PKP2: variants seen among roughly 807,000 people sequenced by gnomAD.
The protein encoded by PKP2 is plakophilin 2, also known as plakophilin-2.
Under a neutral mutation model 83.4 loss-of-function variants are expected in PKP2, and 73 were observed. That is an observed-to-expected ratio of 0.88 (90% CI 0.72 to 1.06). The LOEUF (loss-of-function observed/expected upper bound fraction) is 1.06. PKP2 is among the 50% of genes least tolerant of loss of function. PKP2 has a pLI of 0.00. For synonymous variants in PKP2, 409 were observed against 430.4 expected (o/e 0.95, Z 0.62); for missense variants, 966 against 1,065.4 (o/e 0.91, Z 1.30).
intron 1 of PKP2, among the ~76,000 whole-genome samples, chr12:32,881,303 T>C (rs890761462): frequency 1.3e-5 from 2 of 152,102 alleles, no homozygotes; most frequent in Non-Finnish European, 2.9e-5. Context: ...AAACCAGGCA[T>C]CTCCTGTTTC....
chr12:32,837,842 ATTC>A (rs1465760394), intron 6 of PKP2, among the ~76,000 whole-genome samples: 3 of 152,222 alleles, frequency 2.0e-5, no homozygotes, highest in Middle Eastern at 6.8e-3. Flanking sequence ...TAATACTATT[ATTC>A]TTCTTCTTCC....
At chr12:32,805,220 T>C (rs1405826283) in intron 9 of PKP2, among the ~76,000 whole-genome samples, 7 of 151,810 alleles carry the variant, frequency 4.6e-5, no homozygotes, top group Admixed American at 1.3e-4. Flanking sequence ...GTCAGGAAGA[T>C]AGATTGTAAA....
chr12:32,848,647 G>A (rs1238337237), intron 5 of PKP2, among the ~76,000 whole-genome samples: 1 of 152,112 alleles, frequency 6.6e-6, no homozygotes, highest in Non-Finnish European at 1.5e-5. Flanking sequence ...GAATAAAAGA[G>A]GGAGGAAAGG....
chr12:32,796,252 G>A lies in PKP2; in HGVS notation c.2214C>T (p.Val738=). Residue 738 remains valine, a synonymous_variant, in exon 11 of 13, where the codon GTC becomes GTT. Transcript: ENST00000340811. ...TTTCAATGAGAAGGTCAGTACTCGG[G>A]ACTGTGTCAGGAATGATGGAAACCA... ...PDLVSIIPDT[V]PSTDLLIETT... is the part of the protein sequence containing the mutation. The A allele has an allele frequency of 6.2e-7, 1 of 1,613,670 alleles. No individual in the cohort carries two copies. Among genetic ancestry groups the A allele is most frequent in the Non-Finnish European group, 8.5e-7 (1 of 1,179,832 alleles).
At chr12:32,801,321 G>C (rs1223475230) in intron 10 of PKP2, among the ~76,000 whole-genome samples, 1 of 151,976 alleles carries the variant, frequency 6.6e-6, no homozygotes, top group African/African-American at 2.4e-5. Context: ...TTTGGGAAAA[G>C]AACAAAAAAG....
At chr12:32,798,576 T>C (rs1956152666) in intron 10 of PKP2, among the ~76,000 whole-genome samples, 1 of 151,328 alleles carries the variant, frequency 6.6e-6, no homozygotes, top group Admixed American at 6.6e-5. Context: ...ACCAATGGAA[T>C]AGAATAGAAA....
chr12:32,853,256 T>A (rs572295845), intron 4 of PKP2, among the ~76,000 whole-genome samples: 1 of 152,254 alleles, frequency 6.6e-6, no homozygotes, highest in Admixed American at 6.5e-5. Context: ...GTAATTCAGA[T>A]CTTGGATTTT....
intron 7 of PKP2, among the ~76,000 whole-genome samples, chr12:32,823,468 G>C (rs1592738287): frequency 6.6e-6 from 1 of 151,312 alleles, no homozygotes; most frequent in African/African-American, 2.4e-5. Flanking sequence ...GAACAAGTTT[G>C]GGAATGAAAA....
At chr12:32,794,382 C>T (rs1424989304) in intron 11 of PKP2, among the ~76,000 whole-genome samples, 1 of 152,156 alleles carries the variant, frequency 6.6e-6, no homozygotes, top group Non-Finnish European at 1.5e-5. Context: ...AATTAGTTCC[C>T]AGGCTAGTCC....
At chr12:32,892,563 G>A (rs747967513) in intron 1 of PKP2, among the ~76,000 whole-genome samples, 3 of 151,894 alleles carry the variant, frequency 2.0e-5, no homozygotes, top group East Asian at 1.9e-4. Context: ...TAATCCACCC[G>A]TCTCGGCCTC....
chr12:32,796,695 G>A (rs774986296), intron 10 of PKP2, among the ~76,000 whole-genome samples: 4 of 152,022 alleles, frequency 2.6e-5, no homozygotes, highest in Non-Finnish European at 4.4e-5. Context: ...CACTGCGCCC[G>A]GCCAAGAACT....
At position 32,796,629 on chromosome 12, in the gene PKP2, GA is replaced by G. The variant is rs1440660676; in HGVS notation, c.2168-332del. On this transcript the variant is annotated intron_variant, in intron 10 of 12. Coordinates refer to ENST00000340811, the MANE Select transcript of PKP2 (RefSeq NM_001005242.3). ...TTAGCCAGGATGGTCTCGATCTCCT[GA>G]CCTCGTGATCCGCCAGCCTCGGCCT... Among the ~76,000 whole-genome samples, 37 of 152,080 alleles carry G rather than the reference GA, an allele frequency of 2.4e-4. No homozygotes were observed. The South Asian group carries it at 5.6e-3, about 23-fold the overall frequency.
chr12:32,883,428 T>C (rs1314723939), intron 1 of PKP2, among the ~76,000 whole-genome samples: 2 of 152,220 alleles, frequency 1.3e-5, no homozygotes, highest in South Asian at 2.1e-4. Flanking sequence ...AGGATGGAAA[T>C]GAATTTCTTT....
intron 4 of PKP2, among the ~76,000 whole-genome samples, chr12:32,858,078 AAAAAAAATATATATATATATAT>A (rs1956765667): frequency 1.6e-5 from 1 of 62,244 alleles, no homozygotes; most frequent in South Asian, 4.9e-4. Flanking sequence ...AAAAAAAAAA[AAAAAAAATATATATATATATAT>A]ATATATATAT....
Position 32,821,502 on chromosome 12 carries a change from C to A in PKP2, c.1867G>T (p.Glu623Ter), listed in dbSNP as rs397517015. The change falls in exon 9 of 13, where the codon GAA becomes TAA. Residue 623 changes from glutamate to a stop codon, truncating the protein, a stop_gained. Transcript: ENST00000340811. LOFTEE classifies it high-confidence loss of function. ...TCCACGCCCTTGGGGTTGCTCTTTT[C>A]CTCCGGCATCGGCACGTCCTGGTAT... ...EQYQDVPMPE[E>*]KSNPKGVEWL... is the part of the protein sequence containing the mutation. 3.1e-6 allele frequency: 5 copies of A among 1,614,018 alleles called. No homozygotes were observed. The highest frequency in any genetic ancestry group is 4.2e-6 in the Non-Finnish European group (5 of 1,180,004).
At chr12:32,884,940 AAAG>A (rs2137973116) in intron 1 of PKP2, among the ~76,000 whole-genome samples, 1 of 152,300 alleles carries the variant, frequency 6.6e-6, no homozygotes, top group South Asian at 2.1e-4. Flanking sequence ...GATGTTTCCT[AAAG>A]AAGGGGATGA....
intron 6 of PKP2, among the ~76,000 whole-genome samples, chr12:32,838,690 T>C (rs1956563575): frequency 6.6e-6 from 1 of 152,242 alleles, no homozygotes; most frequent in South Asian, 2.1e-4. Flanking sequence ...ACTTACTATA[T>C]GCTGAAAACT....
At chr12:32,862,142 C>A (rs1277990992) in intron 4 of PKP2, among the ~76,000 whole-genome samples, 1 of 152,148 alleles carries the variant, frequency 6.6e-6, no homozygotes, top group African/African-American at 2.4e-5. Flanking sequence ...AGTGATCTGC[C>A]CGCCTCAGTC....
chr12:32,811,076 T>A (rs1013711340), intron 9 of PKP2, among the ~76,000 whole-genome samples: 2 of 152,046 alleles, frequency 1.3e-5, no homozygotes, highest in Non-Finnish European at 2.9e-5. Flanking sequence ...TCCAATTGAG[T>A]CTCCCTGCAG....
Sources: gnomAD v4.1 joint callset for allele counts (sites outside exome capture counted in the v4.1 genomes callset) on GRCh38, gnomAD v4.1.1 for gene constraint, MANE v1.5 for transcripts, NCBI Gene and HGNC (gene_info 2026-07-23, HGNC 2026-07-21) for gene names.